The following FBN2 variants were observed in gnomAD, a reference collection of about 807,000 sequenced individuals.
FBN2 encodes fibrillin 2.
A neutral mutation model predicts 355.6 loss-of-function variants in FBN2; 105 were observed. The ratio of observed to expected loss-of-function variants is 0.30; its 90% CI spans 0.25 to 0.35. The LOEUF (loss-of-function observed/expected upper bound fraction) is 0.35, where lower values mean the gene tolerates loss of function less well. Among genes scored for constraint, FBN2 ranks in the 10% least tolerant of loss-of-function variants. FBN2 has a pLI of 1.00. For synonymous variants in FBN2, 1,350 were observed against 1,301.2 expected (o/e 1.04, Z -0.81); for missense variants, 3,280 against 3,758.7 (o/e 0.87, Z 3.33).
At chr5:128,359,402 A>G (rs1286399430) in intron 19 of FBN2, among the ~76,000 whole-genome samples, 2 of 152,098 alleles carry the variant, frequency 1.3e-5, no homozygotes, top group Non-Finnish European at 2.9e-5. Context: ...AGAGGAAATA[A>G]GAAAGCGACC....
chr5:128,536,625 C>A, intron 1 of FBN2, 141 bp from the exon 2 acceptor site: 2 of 717,662 alleles, frequency 2.8e-6, no homozygotes, highest in Non-Finnish European at 5.1e-6. Flanking sequence ...TATTGGAGAT[C>A]GGGAGGCAGA....
At position 128,301,478 on chromosome 5, in the gene FBN2, C is replaced by T. The variant is rs1064796333; in HGVS notation, c.5950G>A (p.Val1984Met). Residue 1984 changes from valine (V) to methionine (M), a missense_variant, in exon 47 of 65, where the codon GTG becomes ATG. Transcript: ENST00000262464. ...IDECSSFFGQ[V>M]CRNGRCFNEI... is the part of the protein sequence containing the mutation. ...TTAAAACAACGTCCATTTCTGCACA[C>T]CTGACCAAAAAAGGAACTGCACTCA... The T allele has an allele frequency of 6.2e-7, 1 of 1,613,452 alleles. No homozygotes were observed. The highest frequency in any genetic ancestry group is 8.5e-7 in the Non-Finnish European group (1 of 1,179,730).
chr5:128,390,964 T>C (rs1752494040), intron 11 of FBN2, among the ~76,000 whole-genome samples: 1 of 152,230 alleles, frequency 6.6e-6, no homozygotes, highest in South Asian at 2.1e-4. Flanking sequence ...TTCTCAAATA[T>C]GATTTTTTGA....
intron 64 of FBN2, among the ~76,000 whole-genome samples, chr5:128,261,122 G>A (rs1342337544): frequency 6.6e-6 from 1 of 152,140 alleles, no homozygotes; most frequent in Non-Finnish European, 1.5e-5. Context: ...CACAAACTAT[G>A]TAACAGAGGT....
At chr5:128,535,081 G>A (rs1331888988) in intron 2 of FBN2, among the ~76,000 whole-genome samples, 1 of 152,196 alleles carries the variant, frequency 6.6e-6, no homozygotes, top group Non-Finnish European at 1.5e-5. Flanking sequence ...CTGTGTTGGA[G>A]AGAAAAGAAT....
chr5:128,291,770 G>A (rs372445578), intron 48 of FBN2, 116 bp from the exon 49 acceptor site: 10 of 1,015,026 alleles, frequency 9.9e-6, no homozygotes, highest in African/African-American at 4.8e-5. Context: ...TACGTTGTAT[G>A]TTTAACTTAT....
chr5:128,528,421 CTGTT>C lies in FBN2; in HGVS notation c.437-458_437-455del, dbSNP rs545653695. 1.4e-4 allele frequency among the ~76,000 whole-genome samples: 21 copies of C among 152,164 alleles called. 1 individual carries two copies. Among genetic ancestry groups the C allele is most frequent in the African/African-American group, 4.6e-4 (19 of 41,444 alleles). On this transcript the variant is annotated intron_variant, in intron 3 of 64. Coordinates refer to ENST00000262464, the MANE Select transcript of FBN2 (RefSeq NM_001999.4). Reference sequence around the variant, plus strand: ...CTAAGTAATTATAGACTGTGATAAACTGTTTGAAGTAAACTGTTGTGAAGGAGAC... The same window carrying C: ...CTAAGTAATTATAGACTGTGATAAACTGAAGTAAACTGTTGTGAAGGAGAC...
chr5:128,513,399 T>C (rs563404354), intron 5 of FBN2, among the ~76,000 whole-genome samples: 1 of 152,244 alleles, frequency 6.6e-6, no homozygotes. Flanking sequence ...TGTCTTTTAA[T>C]CCGATGTTGA....
At chr5:128,418,782 C>T (rs183842742) in intron 7 of FBN2, among the ~76,000 whole-genome samples, 1 of 152,234 alleles carries the variant, frequency 6.6e-6, no homozygotes, top group Admixed American at 6.5e-5. Context: ...TGTGACCTAA[C>T]ATATGGTCTC....
chr5:128,423,655 T>A (rs1378917950), intron 7 of FBN2, among the ~76,000 whole-genome samples: 1 of 152,128 alleles, frequency 6.6e-6, no homozygotes, highest in Non-Finnish European at 1.5e-5. Context: ...TGTGTCTGAA[T>A]CAGAATGTGT....
intron 31 of FBN2, among the ~76,000 whole-genome samples, chr5:128,333,874 C>A (rs869243177): frequency 1.5e-5 from 1 of 65,612 alleles, no homozygotes; most frequent in Non-Finnish European, 3.1e-5. Flanking sequence ...CACACACACA[C>A]ACTACTGGCT....
intron 34 of FBN2, among the ~76,000 whole-genome samples, chr5:128,320,388 A>C (rs1299556060): frequency 1.3e-5 from 2 of 151,938 alleles, no homozygotes; most frequent in Non-Finnish European, 2.9e-5. Context: ...CTAATTTAAA[A>C]AGGTTTGCAG....
chr5:128,462,644 G>A (rs553852653), intron 6 of FBN2, among the ~76,000 whole-genome samples: 1 of 152,054 alleles, frequency 6.6e-6, no homozygotes, highest in African/African-American at 2.4e-5. Context: ...AACCCTAAAG[G>A]ACATTCAGAA....
intron 5 of FBN2, among the ~76,000 whole-genome samples, chr5:128,488,083 T>C (rs536298155): frequency 6.6e-6 from 1 of 152,324 alleles, no homozygotes; most frequent in African/African-American, 2.4e-5. Context: ...ACTTTCCTAC[T>C]GGCAATTTAA....
At chr5:128,364,847 C>T in intron 17 of FBN2, 122 bp from the exon 18 acceptor site, 2 of 828,356 alleles carry the variant, frequency 2.4e-6, no homozygotes, top group South Asian at 1.5e-5. Flanking sequence ...CACAATTTGC[C>T]TGCCTTTCAG....
intron 16 of FBN2, among the ~76,000 whole-genome samples, chr5:128,368,480 A>T (rs1048857309): frequency 1.4e-5 from 2 of 146,954 alleles, no homozygotes; most frequent in South Asian, 4.2e-4. Flanking sequence ...ATATATACAT[A>T]TATATACACA....
In FBN2 at chr5:128,357,378, T is replaced by C. The variant is rs746173019; in HGVS notation, c.2572A>G (p.Ser858Gly). ...CAGGCCCCATTGACACATGGGTTGC[T>C]TTCACATTCATTTATATCTACAATC... Reference protein sequence around the residue: ...ETCEDINECESNPCVNGACRN... With the variant: ...ETCEDINECEGNPCVNGACRN... Residue 858 changes from serine (S) to glycine (G), a missense_variant, in exon 20 of 65, where the codon AGC becomes GGC. Around this residue, in one of 6 missense-constraint regions of FBN2, gnomAD observed 2,284 missense variants for 2,749.5 expected, o/e 0.83. Transcript: ENST00000262464. The C allele has an allele frequency of 1.4e-5, 23 of 1,613,940 alleles. No homozygotes were observed. The highest frequency in any genetic ancestry group is 1.9e-5 in the Non-Finnish European group (22 of 1,179,802).
rs1181536535 is a variant in FBN2 at position 128,366,357 on chromosome 5, T to A, written c.2302+20A>T. ...ATTATGTCACGTGATTATTATAAAGTTGAGATTAACTAGAGTTACCTCTTC... is the reference window on the plus strand; with the variant it reads ...ATTATGTCACGTGATTATTATAAAGATGAGATTAACTAGAGTTACCTCTTC... On this transcript the variant is annotated intron_variant, in intron 17 of 64. Transcript: ENST00000262464. The A allele has an allele frequency of 6.9e-7, 1 of 1,440,600 alleles. No individual in the cohort carries two copies. Among genetic ancestry groups the A allele is most frequent in the South Asian group, 1.2e-5 (1 of 85,926 alleles). The allele number at this position is 1,440,600 out of a possible 1,614,324, so 89.2% of individuals were successfully genotyped here.
In FBN2 at chr5:128,481,231, A is replaced by G. The variant is rs188601661; in HGVS notation, c.629-16310T>C. The stretch of plus-strand genomic sequence containing the variant: ...ACCAGGAAGTACAATGGACAAATAC[A>G]AAAGCATAGCATTTATCCAGTTCTG... On this transcript the variant is annotated intron_variant, in intron 5 of 64. Coordinates refer to ENST00000262464, the MANE Select transcript of FBN2 (RefSeq NM_001999.4). Among the ~76,000 whole-genome samples the G allele has an allele frequency of 8.5e-5, 13 of 152,330 alleles. No homozygotes were observed. In the East Asian group the frequency reaches 2.3e-3, roughly 27 times the overall value.
Sources: allele counts gnomAD v4.1 joint callset (sites outside exome capture counted in the v4.1 genomes callset), GRCh38; gene constraint gnomAD v4.1.1; regional missense constraint gnomAD v4.1.1; transcripts MANE v1.5; gene names NCBI Gene and HGNC (gene_info 2026-07-23, HGNC 2026-07-21).